Variants in SLC44A3 observed in about 807,000 individuals in gnomAD.
SLC44A3 encodes solute carrier family 44 member 3.
In SLC44A3, 74 loss-of-function variants were observed where a neutral mutation model predicts 75.4. The ratio of observed to expected loss-of-function variants is 0.98; its 90% confidence interval spans 0.81 to 1.19. The LOEUF is 1.19. Among genes scored for constraint, SLC44A3 ranks in the 50% most tolerant of loss-of-function variants. The pLI is 0.00. For missense variants in SLC44A3, 700 were observed against 778.6 expected (o/e 0.90, Z 1.20); for synonymous variants, 310 against 296.9 (o/e 1.04, Z -0.45).
At chr1:94,879,850 A>G (rs923345901) in intron 12 of SLC44A3, among the ~76,000 whole-genome samples, 1 of 151,862 alleles carries the variant, frequency 6.6e-6, no homozygotes, top group Non-Finnish European at 1.5e-5. Flanking sequence ...AAAAAAAAAA[A>G]AAAGAAAAAA....
chr1:94,851,990 A>G (rs950867618), intron 9 of SLC44A3, among the ~76,000 whole-genome samples: 1 of 152,250 alleles, frequency 6.6e-6, no homozygotes, highest in African/African-American at 2.4e-5. Flanking sequence ...TGCACTATGA[A>G]TATCTTTCAG....
intron 10 of SLC44A3, among the ~76,000 whole-genome samples, chr1:94,859,243 ACTT>A (rs1339482220): frequency 1.3e-5 from 2 of 152,178 alleles, no homozygotes; most frequent in African/African-American, 4.8e-5. Context: ...TTCAATGAGG[ACTT>A]CTAATTTGGA....
intron 12 of SLC44A3, among the ~76,000 whole-genome samples, chr1:94,887,423 A>G (rs1293554697): frequency 6.6e-6 from 1 of 152,176 alleles, no homozygotes; most frequent in Non-Finnish European, 1.5e-5. Context: ...TGGTACCTGC[A>G]GGAAGGCATA....
rs1660393596 is a variant in SLC44A3 at position 94,820,485 on chromosome 1, G to C, written c.27+7G>C. The C allele has an allele frequency of 1.3e-6, 2 of 1,493,992 alleles. No homozygotes were observed. The highest frequency in any genetic ancestry group is 1.8e-6 in the Non-Finnish European group (2 of 1,124,752). The allele number at this position is 1,493,992 out of a possible 1,614,324, so 92.5% of individuals were successfully genotyped here. The stretch of plus-strand genomic sequence containing the variant: ...CCTGGGCGCCGAGTACCTGGTAAGC[G>C]CTCGCAGCCTCGGCCCTCGGGGGAG... On this transcript the variant is annotated splice_region_variant and intron_variant, in intron 1 of 14. Coordinates refer to ENST00000271227, the MANE Select transcript of SLC44A3 (RefSeq NM_001114106.3).
chr1:94,849,870 C>G (rs1664977459), intron 9 of SLC44A3, among the ~76,000 whole-genome samples: 1 of 152,212 alleles, frequency 6.6e-6, no homozygotes, highest in African/African-American at 2.4e-5. Flanking sequence ...CCCATCTCAG[C>G]CTCCCCAGTA....
Position 94,894,904 on chromosome 1 carries a change from C to A in SLC44A3, c.1944C>A (p.Leu648=). The change falls in exon 15 of 15, where the codon CTC becomes CTA. Residue 648 remains leucine, a synonymous_variant. Coordinates refer to ENST00000271227, the MANE Select transcript of SLC44A3 (RefSeq NM_001114106.3). The part of the protein sequence containing the change: ...HSLRNEEGTE[L]QAIVR ...TAAGGAATGAGGAGGGAACAGAACT[C>A]CAGGCCATTGTGAGATAGATACCCA... 6.2e-7 allele frequency: 1 copy of A among 1,610,990 alleles called. No individual in the cohort carries two copies.
intron 5 of SLC44A3, among the ~76,000 whole-genome samples, chr1:94,831,131 G>A (rs965631037): frequency 6.6e-6 from 1 of 152,138 alleles, no homozygotes; most frequent in Non-Finnish European, 1.5e-5. Flanking sequence ...AAGAGTCTCC[G>A]TATCCTGTGT....
intron 12 of SLC44A3, among the ~76,000 whole-genome samples, chr1:94,870,463 C>T (rs1159552077): frequency 6.6e-6 from 1 of 152,120 alleles, no homozygotes; most frequent in Non-Finnish European, 1.5e-5. Context: ...TGTGGAAGTT[C>T]AGAAAAGGGG....
chr1:94,874,546 G>A (rs771611850), intron 12 of SLC44A3, among the ~76,000 whole-genome samples: 4 of 152,234 alleles, frequency 2.6e-5, no homozygotes, highest in Non-Finnish European at 5.9e-5. Flanking sequence ...TATTGCATGA[G>A]AAAGGGAGGG....
chr1:94,869,289 C>A (rs1667503133), intron 12 of SLC44A3, among the ~76,000 whole-genome samples: 1 of 152,286 alleles, frequency 6.6e-6, no homozygotes, highest in South Asian at 2.1e-4. Flanking sequence ...CCTTAATGAC[C>A]ATTGTGAAGG....
intron 10 of SLC44A3, among the ~76,000 whole-genome samples, chr1:94,859,296 C>A (rs1258461252): frequency 6.6e-6 from 1 of 152,142 alleles, no homozygotes; most frequent in Non-Finnish European, 1.5e-5. Context: ...TAATCTCTTC[C>A]CTTTCTCCAG....
Position 94,864,760 on chromosome 1 carries a change from C to T in SLC44A3, c.1256C>T (p.Pro419Leu), listed in dbSNP as rs1666967794. ...ATTTCCAGAAGTAAAAATGATCCTC[C>T]TGATCATCCCATCCTTTCGTCTCTC... is the stretch of plus-strand genomic sequence containing the variant. ...CYFNRSKNDP[P>L]DHPILSSLSI... The change falls in exon 11 of 15, where the codon CCT (proline) becomes CTT (leucine). Residue 419 changes from proline to leucine, a missense_variant. Pro to Leu is a moderately conservative substitution (Grantham distance 98, BLOSUM62 -3). Coordinates refer to ENST00000271227, the MANE Select transcript of SLC44A3 (RefSeq NM_001114106.3). 7 of 1,613,060 alleles carry T rather than the reference C, an allele frequency of 4.3e-6. No individual in the cohort carries two copies. The highest frequency in any genetic ancestry group is 2.2e-5 in the South Asian group (2 of 90,914).
chr1:94,861,322 T>C (rs747698388), intron 10 of SLC44A3, among the ~76,000 whole-genome samples: 46 of 152,116 alleles, frequency 3.0e-4, no homozygotes, highest in Non-Finnish European at 2.5e-4. Context: ...CAGTAGACAA[T>C]ATCTGAAGCC....
intron 12 of SLC44A3, among the ~76,000 whole-genome samples, chr1:94,884,784 G>T (rs957615589): frequency 6.6e-6 from 1 of 152,150 alleles, no homozygotes; most frequent in Non-Finnish European, 1.5e-5. Context: ...AGCTGTGCTG[G>T]CTAAGCGTTT....
chr1:94,823,271 A>C (rs2100900931), intron 2 of SLC44A3, among the ~76,000 whole-genome samples: 1 of 152,358 alleles, frequency 6.6e-6, no homozygotes, highest in East Asian at 1.9e-4. Context: ...AAGCATGTCA[A>C]GGCACAGTCA....
chr1:94,840,156 C>T, intron 7 of SLC44A3, 119 bp downstream of exon 7: 3 of 814,522 alleles, frequency 3.7e-6, no homozygotes, highest in Non-Finnish European at 4.0e-6. Flanking sequence ...GTATCTAGCC[C>T]TGTCACTTTA....
rs763097709 is a variant in SLC44A3 at position 94,867,335 on chromosome 1, A to G, written c.1400A>G (p.His467Arg). ...YMQNALKEQQ[H>R]GALSRYLFRC... ...TTTGTTCTCAACCTGATCCAGCAGC[A>G]TGGTGCATTGTCCAGGTACCTGTTC... The change falls in exon 12 of 15, where the codon CAT (histidine) becomes CGT (arginine). Residue 467 changes from histidine (H) to arginine (R), a missense_variant. By Grantham distance (29) the His-to-Arg change is conservative (BLOSUM62 0). Coordinates refer to ENST00000271227, the MANE Select transcript of SLC44A3 (RefSeq NM_001114106.3). 1.3e-5 allele frequency: 21 copies of G among 1,587,658 alleles called. No individual in the cohort carries two copies. The highest frequency in any genetic ancestry group is 1.8e-5 in the Non-Finnish European group (21 of 1,164,088).
intron 8 of SLC44A3, among the ~76,000 whole-genome samples, chr1:94,843,900 T>G (rs1664042020): frequency 6.6e-6 from 1 of 151,780 alleles, no homozygotes; most frequent in African/African-American, 2.4e-5. Context: ...TCAGGGAGGT[T>G]AAATGCAGAA....
chr1:94,829,941 T>C (rs1407465313), intron 5 of SLC44A3, among the ~76,000 whole-genome samples: 1 of 152,204 alleles, frequency 6.6e-6, no homozygotes, highest in Non-Finnish European at 1.5e-5. Context: ...CATTTACCCT[T>C]ATTACATATG....
Sources: gnomAD v4.1 joint callset for allele counts (sites outside exome capture counted in the v4.1 genomes callset) on GRCh38, gnomAD v4.1.1 for gene constraint, MANE v1.5 for transcripts, NCBI Gene and HGNC (gene_info 2026-07-23, HGNC 2026-07-21) for gene names.